The following VSTM4 variants were observed in gnomAD, a reference collection of about 807,000 sequenced individuals.
The protein encoded by VSTM4 is V-set and transmembrane domain containing 4, also known as V-set and transmembrane domain-containing protein 4.
In VSTM4, 20 loss-of-function variants were observed where a neutral mutation model predicts 36.4. That is an observed-to-expected ratio of 0.55 (90% CI 0.39 to 0.80). The LOEUF (loss-of-function observed/expected upper bound fraction) is 0.80. VSTM4 is among the 30% of genes least tolerant of loss of function. VSTM4 has a pLI of 0.00. For missense variants in VSTM4, 392 were observed against 404.5 expected (o/e 0.97, Z 0.26); for synonymous variants, 182 against 173.9 (o/e 1.05, Z -0.37).
intron 7 of VSTM4, among the ~76,000 whole-genome samples, chr10:49,029,920 A>G (rs544671361): frequency 2.6e-5 from 4 of 152,270 alleles, no homozygotes; most frequent in African/African-American, 9.6e-5. Context: ...GGAGAGGGTG[A>G]TGGAGGGGAA....
At chr10:49,034,785 T>G (rs536663529) in intron 7 of VSTM4, among the ~76,000 whole-genome samples, 38 of 152,266 alleles carry the variant, frequency 2.5e-4, no homozygotes, top group African/African-American at 9.1e-4. Flanking sequence ...TCTAGTATTC[T>G]CCATGTAGGA....
Position 49,077,327 on chromosome 10 carries a change from C to A in VSTM4, c.527-1G>T, listed in dbSNP as rs1264146132. ...ACGAGGACAGCATACACATAGAGATCTGAAAGGCAAGGACAGACACGTGAG... is the reference window on the plus strand; with the variant it reads ...ACGAGGACAGCATACACATAGAGATATGAAAGGCAAGGACAGACACGTGAG... On this transcript the variant is annotated splice_acceptor_variant, in intron 3 of 7. Transcript: ENST00000332853. LOFTEE classifies it high-confidence loss of function. 6.2e-7 allele frequency: 1 copy of A among 1,614,172 alleles called. No homozygotes were observed. The highest frequency in any genetic ancestry group is 8.5e-7 in the Non-Finnish European group (1 of 1,180,014).
At chr10:49,077,720 C>T (rs1844205334) in intron 3 of VSTM4, among the ~76,000 whole-genome samples, 1 of 152,016 alleles carries the variant, frequency 6.6e-6, no homozygotes, top group Non-Finnish European at 1.5e-5. Flanking sequence ...CAGAAAAAAC[C>T]CACAAGAAAA....
chr10:49,086,226 T>A (rs995537068), intron 2 of VSTM4, among the ~76,000 whole-genome samples: 1 of 152,230 alleles, frequency 6.6e-6, no homozygotes, highest in Non-Finnish European at 1.5e-5. Flanking sequence ...TCATCCATGT[T>A]TAAAAGCCAG....
chr10:49,100,192 T>C (rs996455125), intron 2 of VSTM4, among the ~76,000 whole-genome samples: 1 of 152,120 alleles, frequency 6.6e-6, no homozygotes, highest in Admixed American at 6.6e-5. Context: ...TCTCTAAGGG[T>C]AGCTGTATGG....
intron 7 of VSTM4, among the ~76,000 whole-genome samples, chr10:49,032,112 G>A (rs972150806): frequency 6.6e-6 from 1 of 152,066 alleles, no homozygotes; most frequent in African/African-American, 2.4e-5. Context: ...GTATTATAAG[G>A]TATCATCAAT....
chr10:49,076,695 G>A (rs549298664), intron 4 of VSTM4, among the ~76,000 whole-genome samples: 1 of 151,778 alleles, frequency 6.6e-6, no homozygotes, highest in Admixed American at 6.6e-5. Flanking sequence ...GGGGCTGAAG[G>A]CAGAGTGCAG....
intron 2 of VSTM4, among the ~76,000 whole-genome samples, chr10:49,092,434 G>T (rs1844491926): frequency 6.6e-6 from 1 of 152,202 alleles, no homozygotes; most frequent in Admixed American, 6.5e-5. Context: ...CCAGGAGAGG[G>T]TTTAGAACTC....
intron 4 of VSTM4, among the ~76,000 whole-genome samples, chr10:49,072,695 G>A (rs189941704): frequency 5.8e-4 from 88 of 152,294 alleles, no homozygotes; most frequent in African/African-American, 2.1e-3. Context: ...AAGTTGGGGG[G>A]TATGGCTACC....
intron 2 of VSTM4, chr10:49,102,313 T>C: frequency 2.8e-6 from 2 of 720,270 alleles, no homozygotes; most frequent in Non-Finnish European, 1.7e-6. Context: ...ATTTTTGTAT[T>C]TTTGTAGAGA....
At chr10:49,109,146 T>A (rs936551755) in intron 1 of VSTM4, among the ~76,000 whole-genome samples, 3 of 152,038 alleles carry the variant, frequency 2.0e-5, no homozygotes, top group African/African-American at 4.8e-5. Context: ...CAAGCAGGTG[T>A]CCCCATGGTC....
chr10:49,064,866 G>T, intron 4 of VSTM4, 130 bp from the exon 5 acceptor site: 3 of 889,798 alleles, frequency 3.4e-6, no homozygotes, highest in Non-Finnish European at 5.3e-6. Context: ...CAACTCTCAA[G>T]ACTTGCATTC....
chr10:49,042,270 G>T (rs1263082603), intron 7 of VSTM4, among the ~76,000 whole-genome samples: 1 of 152,192 alleles, frequency 6.6e-6, no homozygotes, highest in African/African-American at 2.4e-5. Context: ...AAGCCAAAAG[G>T]CCTGCTGCTG....
chr10:49,098,994 C>G (rs1844621228), intron 2 of VSTM4, among the ~76,000 whole-genome samples: 1 of 152,234 alleles, frequency 6.6e-6, no homozygotes, highest in South Asian at 2.1e-4. Context: ...AGCAAACCTT[C>G]CTCAATAGAA....
chr10:49,022,490 A>G (rs572703779), intron 7 of VSTM4, among the ~76,000 whole-genome samples: 67 of 152,290 alleles, frequency 4.4e-4, no homozygotes, highest in Middle Eastern at 3.4e-3. Context: ...TCTTCAAGCC[A>G]GCACCTCTGC....
chr10:49,081,456 C>T (rs1156550830), intron 3 of VSTM4, among the ~76,000 whole-genome samples: 1 of 152,238 alleles, frequency 6.6e-6, no homozygotes, highest in African/African-American at 2.4e-5. Flanking sequence ...CTCTTTCCTT[C>T]GCTTCAGAAC....
intron 7 of VSTM4, among the ~76,000 whole-genome samples, chr10:49,028,738 G>C (rs1843300595): frequency 6.6e-6 from 1 of 152,170 alleles, no homozygotes; most frequent in African/African-American, 2.4e-5. Flanking sequence ...CTTGAATTAA[G>C]TCACGGTAAT....
intron 6 of VSTM4, 87 bp downstream of exon 6, chr10:49,048,391 C>T (rs1191951376): frequency 2.5e-6 from 3 of 1,215,792 alleles, no homozygotes; most frequent in African/African-American, 3.1e-5. Flanking sequence ...TGCCTACGCT[C>T]CCTGTCATAA....
At chr10:49,080,668 G>A (rs1411487378) in intron 3 of VSTM4, among the ~76,000 whole-genome samples, 4 of 152,218 alleles carry the variant, frequency 2.6e-5, no homozygotes, top group African/African-American at 9.6e-5. Flanking sequence ...ATGCAGAGGA[G>A]GGCTGGGGCG....
Sources: allele counts gnomAD v4.1 joint callset (sites outside exome capture counted in the v4.1 genomes callset), GRCh38; gene constraint gnomAD v4.1.1; transcripts MANE v1.5; gene names NCBI Gene and HGNC (gene_info 2026-07-23, HGNC 2026-07-21).